Variants in SETD1B observed in about 807,000 individuals in gnomAD.
SETD1B encodes SET domain containing 1B, histone lysine methyltransferase, also known as histone-lysine N-methyltransferase SETD1B.
In SETD1B, 7 loss-of-function variants were observed where a neutral mutation model predicts 148.0. The ratio of observed to expected loss-of-function variants is 0.05; its 90% confidence interval spans 0.03 to 0.09. The LOEUF is 0.09. Ranked by LOEUF, SETD1B falls within the 10% of genes least tolerant of loss-of-function variation. SETD1B has a pLI of 1.00. For missense variants in SETD1B, 2,155 were observed against 2,729.9 expected, an observed-to-expected ratio of 0.79 and a Z score of 4.69; for synonymous variants, 1,361 against 1,186.5, an observed-to-expected ratio of 1.15 and a Z score of -3.02.
chr12:121,793,226 G>A, the SETD1B span: 1 of 1,550,980 alleles, frequency 6.4e-7, no homozygotes, highest in South Asian at 1.2e-5. Flanking sequence ...CTCGAACACC[G>A]ATGGGGCGTA....
rs1453322081 is a variant in SETD1B at position 121,808,169 on chromosome 12, G to A, written c.545-39G>A. The A allele has an allele frequency of 6.7e-7, 1 of 1,494,844 alleles. No individual in the cohort carries two copies. The highest frequency in any genetic ancestry group is 9.1e-7 in the Non-Finnish European group (1 of 1,098,020). 92.6% of individuals were successfully genotyped at this position (1,494,844 alleles called of 1,614,324 possible). On this transcript the variant is annotated intron_variant, in intron 4 of 16. Coordinates refer to ENST00000604567, the MANE Select transcript of SETD1B (RefSeq NM_001353345.2). The surrounding 1 kb of genome is among the most constrained non-coding windows in gnomAD (Gnocchi z 5.3). ...ATCCTTGTGGGGGCTGCCCCATCCT[G>A]GAACCTCACTGAGTTCCCCCTTTCC...
At chr12:121,793,631 C>T in the SETD1B span, 1 of 1,537,844 alleles carries the variant, frequency 6.5e-7, no homozygotes, top group South Asian at 1.2e-5. Flanking sequence ...CGGGGGCATC[C>T]ATTGCCCGGA....
At chr12:121,800,123 C>G (rs905069041), upstream of SETD1B, 11 of 152,242 alleles carry the variant, frequency 7.2e-5, no homozygotes, top group African/African-American at 2.2e-4. Flanking sequence ...GGTTCAACCC[C>G]GGCCCGGGCG....
In SETD1B at chr12:121,804,931, C is replaced by T. The variant is rs1418057767; in HGVS notation, c.174+20C>T. ...CTGGCGGTGAGTAGCCGGCGCGCCCCCCCAGCCGTGCCCCGCGTCGTGTCC... is the reference window on the plus strand; with the variant it reads ...CTGGCGGTGAGTAGCCGGCGCGCCCTCCCAGCCGTGCCCCGCGTCGTGTCC... On this transcript the variant is annotated intron_variant, in intron 2 of 16. Coordinates refer to ENST00000604567, the MANE Select transcript of SETD1B (RefSeq NM_001353345.2). This position sits in a 1 kb window ranked among gnomAD's most constrained non-coding sequence, Gnocchi z 4.6. 2 of 1,482,922 alleles carry T rather than the reference C, an allele frequency of 1.3e-6. No individual in the cohort carries two copies. The highest frequency in any genetic ancestry group is 9.0e-7 in the Non-Finnish European group (1 of 1,113,012). The allele number at this position is 1,482,922 out of a possible 1,614,324, so 91.9% of individuals were successfully genotyped here. A position where few individuals can be genotyped will look rare whatever the true frequency, so the allele number is the denominator to read the frequency against.
In SETD1B at chr12:121,832,302, C is replaced by T. The variant is rs1236056328; in HGVS notation, c.*2063C>T. 6.5e-6 allele frequency: 1 copy of T among 153,264 alleles called. No individual in the cohort carries two copies. The highest frequency in any genetic ancestry group is 2.4e-5 in the African/African-American group (1 of 41,442). The allele number at this position is 153,264 out of a possible 1,614,324, so 9.5% of individuals were successfully genotyped here. ...CACTAAGGGGACTAGACCTCCCTCT[C>T]CCCAGGAGCCCCAGCCCCAGAGTGG... On this transcript the variant is annotated 3_prime_UTR_variant, in exon 17 of 17. Transcript: ENST00000604567.
In SETD1B at chr12:121,817,439, G is replaced by T. The variant is rs750896721; in HGVS notation, c.3047G>T (p.Gly1016Val). The T allele has an allele frequency of 3.2e-6, 5 of 1,546,284 alleles. No homozygotes were observed. In the South Asian group the frequency reaches 6.0e-5, roughly 18 times the overall value. ...GAGCTCGCCAAGCGGGACCCCAAGG[G>T]CGTGGGTGTGCGGCGGCGGCCGGCG... ...PCELAKRDPK[G>V]VGVRRRPARP... The change falls in exon 9 of 17, where the codon GGC (glycine) becomes GTC (valine). Residue 1016 changes from glycine to valine, a missense_variant. Gly to Val is a moderately radical substitution (Grantham distance 109). This residue lies in a region of SETD1B where 289 missense variants were observed against 423.7 expected (regional missense o/e 0.68). Transcript: ENST00000604567. This position sits in a 1 kb window ranked among gnomAD's most constrained non-coding sequence, Gnocchi z 8.1.
chr12:121,808,166 C>A lies in SETD1B; in HGVS notation c.545-42C>A. 6.8e-7 allele frequency: 1 copy of A among 1,479,648 alleles called. No homozygotes were observed. The highest frequency in any genetic ancestry group is 9.2e-7 in the Non-Finnish European group (1 of 1,084,522). 91.7% of individuals were successfully genotyped at this position (1,479,648 alleles called of 1,614,324 possible). On this transcript the variant is annotated intron_variant, in intron 4 of 16. Transcript: ENST00000604567. This position sits in a 1 kb window ranked among gnomAD's most constrained non-coding sequence, Gnocchi z 5.3. ...GGAATCCTTGTGGGGGCTGCCCCAT[C>A]CTGGAACCTCACTGAGTTCCCCCTT...
In SETD1B at chr12:121,813,381, C is replaced by T. The variant is rs376102886; in HGVS notation, c.1891-725C>T. On this transcript the variant is annotated intron_variant, in intron 6 of 16. Transcript: ENST00000604567. ...TGCTAAACCCCCGCTCCAATGTCAC[C>T]TTTCCTGCCTGGCCGTCTGCCGCAG... is the stretch of plus-strand genomic sequence containing the variant. Among the ~76,000 whole-genome samples the T allele has an allele frequency of 7.9e-5, 12 of 152,370 alleles. 1 individual carries two copies. In the East Asian group the frequency reaches 1.9e-3, roughly 24 times the overall value.
At chr12:121,821,765 A>C (rs542484115) in intron 11 of SETD1B, among the ~76,000 whole-genome samples, 1 of 152,218 alleles carries the variant, frequency 6.6e-6, no homozygotes, top group African/African-American at 2.4e-5. Flanking sequence ...ATAAAAATAA[A>C]ATAATGTAAA....
intron 7 of SETD1B, among the ~76,000 whole-genome samples, chr12:121,815,617 C>A (rs1409904735): frequency 6.6e-6 from 1 of 152,072 alleles, no homozygotes; most frequent in Non-Finnish European, 1.5e-5. Flanking sequence ...CTCAAGGGAT[C>A]CTCTCACCTC....
At position 121,809,882 on chromosome 12, in the gene SETD1B, C is replaced by A; in HGVS notation, c.937C>A (p.His313Asn). The change falls in exon 6 of 17, where the codon CAC becomes AAC. Residue 313 changes from histidine (H) to asparagine (N), a missense_variant. This residue lies in a region of SETD1B where 376 missense variants were observed against 385.0 expected (regional missense o/e 0.98). Transcript: ENST00000604567. ...TGCAGTGACCTTCAAGGCCCGGCGCCACGAGAGCAAGTTCACGGACGCCTA... is the reference window on the plus strand; with the variant it reads ...TGCAGTGACCTTCAAGGCCCGGCGCAACGAGAGCAAGTTCACGGACGCCTA... Reference protein sequence around the residue: ...DPAVTFKARRHESKFTDAYNR... With the variant: ...DPAVTFKARRNESKFTDAYNR... The A allele has an allele frequency of 1.3e-6, 2 of 1,551,158 alleles. No homozygotes were observed. Among genetic ancestry groups the A allele is most frequent in the African/African-American group, 2.7e-5 (2 of 73,166 alleles).
At position 121,830,166 on chromosome 12, in the gene SETD1B, A is replaced by G. The variant is rs1877026008; in HGVS notation, c.5828A>G (p.Tyr1943Cys). 1 of 1,551,530 alleles carries G rather than the reference A, an allele frequency of 6.4e-7. No homozygotes were observed. The change falls in exon 17 of 17, where the codon TAT (tyrosine) becomes TGT (cysteine). Residue 1943 changes from tyrosine (Y) to cysteine (C), a missense_variant. By Grantham distance (194) the Tyr-to-Cys change is radical. Around this residue, in one of 11 missense-constraint regions of SETD1B, gnomAD observed 17 missense variants for 47.8 expected, o/e 0.36. Coordinates refer to ENST00000604567, the MANE Select transcript of SETD1B (RefSeq NM_001353345.2). The surrounding 1 kb of genome is among the most constrained non-coding windows in gnomAD (Gnocchi z 5.7). ...GTCAATGAGGAGATTACCTATGACT[A>G]TAAGTTCCCCATCGAGGACGTCAAG... ...INVNEEITYD[Y>C]KFPIEDVKIP...
rs575066665 is a variant in SETD1B at position 121,815,380 on chromosome 12, G to A, written c.2715+450G>A. ...CACAGGTGCCTAGTGGTAGTACACA[G>A]GATAGCTGGTGCAGACTGCCCCCCC... On this transcript the variant is annotated intron_variant, in intron 7 of 16. Coordinates refer to ENST00000604567, the MANE Select transcript of SETD1B (RefSeq NM_001353345.2). 1.3e-4 allele frequency among the ~76,000 whole-genome samples: 18 copies of A among 143,338 alleles called. No individual in the cohort carries two copies. In the Middle Eastern group the frequency reaches 0.011, roughly 85 times the overall value. 94.0% of individuals were successfully genotyped at this position (143,338 alleles called of 152,430 possible).
chr12:121,817,551 G>A lies in SETD1B; in HGVS notation c.3159G>A (p.Ser1053=). The part of the protein sequence containing the change: ...ASSSSSASSS[S]GSSTTSPSSS... ...CGTCCTCATCCGCGTCATCATCCTC[G>A]GGGTCCTCAACCACCTCACCCTCGT... is the stretch of plus-strand genomic sequence containing the variant. Residue 1053 remains serine, a synonymous_variant, in exon 9 of 17, where the codon TCG becomes TCA. Coordinates refer to ENST00000604567, the MANE Select transcript of SETD1B (RefSeq NM_001353345.2). The surrounding 1 kb of genome is among the most constrained non-coding windows in gnomAD (Gnocchi z 8.1). 1.3e-6 allele frequency: 2 copies of A among 1,551,526 alleles called. No individual in the cohort carries two copies. The highest frequency in any genetic ancestry group is 1.7e-6 in the Non-Finnish European group (2 of 1,146,902).
chr12:121,807,456 AAAAAAGAAAAG>A (rs1427547534), intron 4 of SETD1B, among the ~76,000 whole-genome samples: 1 of 151,418 alleles, frequency 6.6e-6, no homozygotes, highest in Non-Finnish European at 1.5e-5. Context: ...AAAAAAAAAA[AAAAAAGAAAAG>A]AAAAGAAAAG....
Position 121,805,817 on chromosome 12 carries a change from C to A in SETD1B, c.274-18C>A. The stretch of plus-strand genomic sequence containing the variant: ...TTTAAACGTTCTTCAAACTCCCTTC[C>A]CCCTCGGCCCCTGCCAGATCGATGA... On this transcript the variant is annotated intron_variant, in intron 3 of 16. Coordinates refer to ENST00000604567, the MANE Select transcript of SETD1B (RefSeq NM_001353345.2). The surrounding 1 kb of genome is among the most constrained non-coding windows in gnomAD (Gnocchi z 4.2). 1.3e-6 allele frequency: 2 copies of A among 1,547,418 alleles called. No individual in the cohort carries two copies. Among genetic ancestry groups the A allele is most frequent in the Non-Finnish European group, 1.7e-6 (2 of 1,144,032 alleles).
In SETD1B at chr12:121,805,011, C is replaced by T. The variant is rs1402796605; in HGVS notation, c.174+100C>T. The T allele has an allele frequency of 1.4e-6, 2 of 1,459,926 alleles. No individual in the cohort carries two copies. The highest frequency in any genetic ancestry group is 1.4e-5 in the African/African-American group (1 of 70,668). 90.4% of individuals were successfully genotyped at this position (1,459,926 alleles called of 1,614,324 possible). On this transcript the variant is annotated intron_variant, in intron 2 of 16. Coordinates refer to ENST00000604567, the MANE Select transcript of SETD1B (RefSeq NM_001353345.2). The surrounding 1 kb of genome is among the most constrained non-coding windows in gnomAD (Gnocchi z 4.2). The stretch of plus-strand genomic sequence containing the variant: ...CCCGCCCGATCCCCCGGCCAACTGT[C>T]AGACGGGGCCCCAGCCCTGGAGTTT...
rs1030879701 is a variant in SETD1B at position 121,827,501 on chromosome 12, G to T, written c.5338-18G>T. ...GACACGGCCAGCTCCGCTGAGCCCCGCACACCGTCCACTGCAGGGCATGAG... is the reference window on the plus strand; with the variant it reads ...GACACGGCCAGCTCCGCTGAGCCCCTCACACCGTCCACTGCAGGGCATGAG... On this transcript the variant is annotated intron_variant, in intron 13 of 16. Coordinates refer to ENST00000604567, the MANE Select transcript of SETD1B (RefSeq NM_001353345.2). 3 of 1,522,672 alleles carry T rather than the reference G, an allele frequency of 2.0e-6. No individual in the cohort carries two copies. The highest frequency in any genetic ancestry group is 1.8e-6 in the Non-Finnish European group (2 of 1,134,102). 94.3% of individuals were successfully genotyped at this position (1,522,672 alleles called of 1,614,324 possible).
the SETD1B span, chr12:121,793,057 G>T: frequency 1.9e-6 from 2 of 1,079,734 alleles, no homozygotes. Context: ...CCCTGCCAAG[G>T]CTGCAGGGCG....
Sources: allele counts gnomAD v4.1 joint callset (sites outside exome capture counted in the v4.1 genomes callset), GRCh38; gene constraint gnomAD v4.1.1; regional missense constraint gnomAD v4.1.1; non-coding constraint Gnocchi (gnomAD v3.1); transcripts MANE v1.5; gene names NCBI Gene and HGNC (gene_info 2026-07-23, HGNC 2026-07-21).